Variants in CEP128 observed in about 807,000 individuals in gnomAD.
CEP128 encodes the protein centrosomal protein 128, also known as centrosomal protein 128kDa.
A neutral mutation model predicts 156.7 loss-of-function variants in CEP128; 132 were observed. The ratio of observed to expected loss-of-function variants is 0.84; its 90% CI spans 0.73 to 0.97. The LOEUF (loss-of-function observed/expected upper bound fraction) is 0.97. Among genes scored for constraint, CEP128 ranks in the 50% least tolerant of loss-of-function variants. The pLI, the probability that CEP128 is intolerant of heterozygous loss-of-function variation, is 0.00. For missense variants in CEP128, 1,252 were observed against 1,281.9 expected (o/e 0.98, Z 0.36); for synonymous variants, 469 against 448.9 (o/e 1.04, Z -0.57).
intron 2 of CEP128, among the ~76,000 whole-genome samples, chr14:80,920,270 C>A (rs1884782856): frequency 6.6e-6 from 1 of 152,086 alleles, no homozygotes; most frequent in African/African-American, 2.4e-5. Flanking sequence ...CTATCATCAG[C>A]CAACACCACT....
At chr14:80,860,965 G>C (rs923406279) in intron 9 of CEP128, among the ~76,000 whole-genome samples, 1 of 151,776 alleles carries the variant, frequency 6.6e-6, no homozygotes, top group African/African-American at 2.4e-5. Context: ...GTTTCTTGTT[G>C]TTTCTACTTT....
In CEP128 at chr14:80,862,873, C is replaced by A. The variant is rs757361554; in HGVS notation, c.646G>T (p.Val216Phe). Residue 216 changes from valine (V) to phenylalanine (F), a missense_variant and splice_region_variant, in exon 9 of 25, where the codon GTT becomes TTT. Transcript: ENST00000555265. ...AGCCGCCGCTCCACCCGATCTGAAA[C>A]CTTAATAAGAATTCAGAGAAACAGC... ...KLNEAQKQEV[V>F]SDRVERRLQE... is the part of the protein sequence containing the mutation. 1.9e-6 allele frequency: 3 copies of A among 1,606,418 alleles called. No homozygotes were observed. The East Asian group carries it at 6.7e-5, about 36-fold the overall frequency.
At chr14:80,566,468 A>T (rs1238094418) in intron 20 of CEP128, among the ~76,000 whole-genome samples, 2 of 152,334 alleles carry the variant, frequency 1.3e-5, no homozygotes, top group East Asian at 3.9e-4. Flanking sequence ...TAATCATCAC[A>T]CACAAAAGGT....
At position 80,561,022 on chromosome 14, in the gene CEP128, T is replaced by G. The variant is rs536763966; in HGVS notation, c.2857-1720A>C. On this transcript the variant is annotated intron_variant, in intron 20 of 24. Coordinates refer to ENST00000555265, the MANE Select transcript of CEP128 (RefSeq NM_152446.5). ...TCCTGTGGTCCTGCAGGGACCCACA[T>G]AGACCTATGACACTTAGAAGCAGAA... is the stretch of plus-strand genomic sequence containing the variant. Among the ~76,000 whole-genome samples, 621 of 152,280 alleles carry G rather than the reference T, an allele frequency of 4.1e-3. 2 individuals are homozygous for G. The Middle Eastern group carries it at 0.051, about 13-fold the overall frequency.
chr14:80,787,760 G>A (rs1901488548), intron 14 of CEP128, among the ~76,000 whole-genome samples: 1 of 152,174 alleles, frequency 6.6e-6, no homozygotes, highest in Non-Finnish European at 1.5e-5. Context: ...AGGCAGTGCT[G>A]AGGATTAAAA....
At chr14:80,746,594 A>G (rs1311590152) in intron 18 of CEP128, among the ~76,000 whole-genome samples, 3 of 152,240 alleles carry the variant, frequency 2.0e-5, no homozygotes, top group Non-Finnish European at 4.4e-5. Flanking sequence ...TAATTCAAAA[A>G]GGATCACAGA....
At chr14:80,838,173 A>G in intron 11 of CEP128, 31 bp downstream of exon 11, 1 of 1,462,972 alleles carries the variant, frequency 6.8e-7, no homozygotes, top group Non-Finnish European at 9.5e-7. Flanking sequence ...TTTAATGTAA[A>G]AGTATATTAT....
intron 19 of CEP128, among the ~76,000 whole-genome samples, chr14:80,722,182 T>C (rs1029666773): frequency 5.9e-5 from 9 of 152,192 alleles, no homozygotes; most frequent in Admixed American, 1.3e-4. Context: ...CCAAATGTCC[T>C]TCAGTGTGTG....
chr14:80,629,763 T>A (rs546695295), intron 19 of CEP128, among the ~76,000 whole-genome samples: 1 of 152,152 alleles, frequency 6.6e-6, no homozygotes, highest in Non-Finnish European at 1.5e-5. Context: ...TTCTTTTCCA[T>A]CAGTGACTTA....
intron 4 of CEP128, among the ~76,000 whole-genome samples, chr14:80,913,006 G>A (rs1218920190): frequency 6.6e-6 from 1 of 152,064 alleles, no homozygotes; most frequent in African/African-American, 2.4e-5. Flanking sequence ...AATTCCAAAG[G>A]AAAGAAAAGT....
chr14:80,943,596 G>T (rs7153324), upstream of CEP128, among the ~76,000 whole-genome samples: 1 of 152,040 alleles, frequency 6.6e-6, no homozygotes, highest in Non-Finnish European at 1.5e-5. Flanking sequence ...AGATATTTTC[G>T]TTCATTTTGA....
At chr14:80,787,837 A>G (rs1901492674) in intron 14 of CEP128, among the ~76,000 whole-genome samples, 2 of 152,308 alleles carry the variant, frequency 1.3e-5, no homozygotes, top group Admixed American at 6.5e-5. Context: ...TATCTTCCTG[A>G]AGTTGGATTA....
At chr14:80,582,979 G>A (rs1050242923) in intron 19 of CEP128, among the ~76,000 whole-genome samples, 2 of 152,216 alleles carry the variant, frequency 1.3e-5, no homozygotes, top group East Asian at 1.9e-4. Context: ...ACTTAGTATG[G>A]CAAGTCCAAA....
chr14:80,845,201 A>T (rs1886538439), intron 9 of CEP128, among the ~76,000 whole-genome samples: 1 of 152,180 alleles, frequency 6.6e-6, no homozygotes, highest in African/African-American at 2.4e-5. Flanking sequence ...TAATTACTTC[A>T]TGAAAAAGCC....
At chr14:80,909,473 A>G (rs1476796916) in intron 4 of CEP128, among the ~76,000 whole-genome samples, 2 of 152,098 alleles carry the variant, frequency 1.3e-5, no homozygotes, top group African/African-American at 2.4e-5. Flanking sequence ...AAAGAACAAG[A>G]GAAGTGAAAC....
At chr14:80,635,499 GT>G (rs1354317170) in intron 19 of CEP128, among the ~76,000 whole-genome samples, 8 of 152,110 alleles carry the variant, frequency 5.3e-5, no homozygotes, top group Non-Finnish European at 1.0e-4. Context: ...TTGTTAACTT[GT>G]TATATAGTCC....
At chr14:80,943,549 A>G (rs1407254343), upstream of CEP128, among the ~76,000 whole-genome samples, 1 of 152,238 alleles carries the variant, frequency 6.6e-6, no homozygotes, top group Non-Finnish European at 1.5e-5. Flanking sequence ...TAAATCAAAC[A>G]TTACAGGACA....
At chr14:80,526,844 T>TA in intron 23 of CEP128, 25 bp downstream of exon 23, 5 of 1,355,000 alleles carry the variant, frequency 3.7e-6, no homozygotes, top group Non-Finnish European at 5.3e-6. Flanking sequence ...ACTTAAAGAC[T>TA]AAAAAAGTAT....
intron 23 of CEP128, among the ~76,000 whole-genome samples, chr14:80,522,987 A>G (rs931879987): frequency 6.6e-6 from 1 of 152,240 alleles, no homozygotes; most frequent in African/African-American, 2.4e-5. Flanking sequence ...CAAAATCTTG[A>G]CAGGCTTCTA....
Sources: allele counts gnomAD v4.1 joint callset (sites outside exome capture counted in the v4.1 genomes callset), GRCh38; gene constraint gnomAD v4.1.1; transcripts MANE v1.5; gene names NCBI Gene and HGNC (gene_info 2026-07-23, HGNC 2026-07-21).